Variants in SND1 observed in about 807,000 individuals in gnomAD.
The protein encoded by SND1 is staphylococcal nuclease and tudor domain containing 1.
In SND1, 38 loss-of-function variants were observed where a neutral mutation model predicts 121.7. The observed-to-expected ratio is 0.31, with a 90% confidence interval of 0.24 to 0.41. SND1 has a LOEUF of 0.41. SND1 is among the 10% of genes least tolerant of loss of function. The probability of loss-of-function intolerance (pLI) is 1.00; values close to 1 mark genes in which losing one functional copy is unlikely to be tolerated. For missense variants in SND1, 868 were observed against 1,184.6 expected (o/e 0.73, Z 3.92); for synonymous variants, 401 against 447.4 (o/e 0.90, Z 1.31).
intron 10 of SND1, among the ~76,000 whole-genome samples, chr7:127,804,351 T>C (rs1374663735): frequency 6.6e-6 from 1 of 152,224 alleles, no homozygotes; most frequent in Non-Finnish European, 1.5e-5. Context: ...AGACATATAA[T>C]CAGACTCTGA....
chr7:127,883,624 G>A (rs907698280), intron 12 of SND1, among the ~76,000 whole-genome samples: 1 of 152,118 alleles, frequency 6.6e-6, no homozygotes, highest in Admixed American at 6.5e-5. Context: ...GAAAACATTA[G>A]AACTTGGATA....
intron 10 of SND1, among the ~76,000 whole-genome samples, chr7:127,758,590 AAACCTT>A (rs1200282712): frequency 3.9e-5 from 6 of 152,182 alleles, no homozygotes; most frequent in Admixed American, 3.9e-4. Context: ...AACTATGTTG[AAACCTT>A]GGTTTGATTT....
intron 11 of SND1, among the ~76,000 whole-genome samples, chr7:127,842,397 A>G (rs1251428657): frequency 6.6e-6 from 1 of 152,224 alleles, no homozygotes; most frequent in Non-Finnish European, 1.5e-5. Context: ...AAGTTTTCAT[A>G]ATAAAAAAGC....
intron 12 of SND1, among the ~76,000 whole-genome samples, chr7:127,847,212 C>T (rs554331142): frequency 6.6e-6 from 1 of 152,238 alleles, no homozygotes; most frequent in East Asian, 1.9e-4. Context: ...GCGGGAGTTG[C>T]AGTGAGCCGA....
rs137967747 is a variant in SND1 at position 127,684,918 on chromosome 7, A to C, written c.79-1695A>C. ...ATATTGTATATTGGAATGTACAATT[A>C]AATATTGTATATTGGAATGTACAAT... On this transcript the variant is annotated intron_variant, in intron 1 of 23. Coordinates refer to ENST00000354725, the MANE Select transcript of SND1 (RefSeq NM_014390.4). 9.0e-4 allele frequency among the ~76,000 whole-genome samples: 136 copies of C among 151,914 alleles called. No homozygotes were observed. In the East Asian group the frequency reaches 0.011, roughly 12 times the overall value.
chr7:127,737,231 A>G (rs1796793508), intron 10 of SND1, among the ~76,000 whole-genome samples: 1 of 152,204 alleles, frequency 6.6e-6, no homozygotes, highest in Non-Finnish European at 1.5e-5. Context: ...TGTTCTGTCT[A>G]CTGTGCGTGA....
At chr7:127,922,194 T>TGTTTTTTG (rs1563058996) in intron 14 of SND1, among the ~76,000 whole-genome samples, 1 of 63,594 alleles carries the variant, frequency 1.6e-5, no homozygotes, top group African/African-American at 4.7e-5. Context: ...TTTTTTTTTT[T>TGTTTTTTG]TTTTTTTTTG....
At position 127,942,991 on chromosome 7, in the gene SND1, T is replaced by C. The variant is rs548139911; in HGVS notation, c.1669+13662T>C. Among the ~76,000 whole-genome samples, 7 of 152,312 alleles carry C rather than the reference T, an allele frequency of 4.6e-5. No homozygotes were observed. The East Asian group carries it at 1.3e-3, about 29-fold the overall frequency. On this transcript the variant is annotated intron_variant, in intron 15 of 23. Transcript: ENST00000354725. ...GAGCCTCTTACGTGGATCCATTTCA[T>C]GCTATGAGGTTGGCCTCACAGTGAA...
chr7:128,058,302 T>C (rs1793175825), intron 16 of SND1, among the ~76,000 whole-genome samples: 1 of 152,280 alleles, frequency 6.6e-6, no homozygotes, highest in African/African-American at 2.4e-5. Context: ...TGAGTTCTTA[T>C]TGTTCTAAGA....
chr7:127,959,848 A>C (rs967715467), intron 15 of SND1, among the ~76,000 whole-genome samples: 1 of 152,172 alleles, frequency 6.6e-6, no homozygotes, highest in African/African-American at 2.4e-5. Context: ...CACTTGATAC[A>C]TATTTGTTGA....
chr7:128,018,724 G>A (rs149103679), intron 16 of SND1, among the ~76,000 whole-genome samples: 6 of 152,252 alleles, frequency 3.9e-5, no homozygotes, highest in African/African-American at 1.4e-4. Flanking sequence ...AAGCCACCAG[G>A]GGCAAAATAA....
chr7:127,730,905 C>T (rs965930024), intron 10 of SND1, among the ~76,000 whole-genome samples: 3 of 152,242 alleles, frequency 2.0e-5, no homozygotes, highest in Non-Finnish European at 4.4e-5. Context: ...TGTTCCTCAT[C>T]ACTACTGGGA....
At chr7:128,033,279 GA>G (rs1411137486) in intron 16 of SND1, among the ~76,000 whole-genome samples, 1 of 152,120 alleles carries the variant, frequency 6.6e-6, no homozygotes, top group Non-Finnish European at 1.5e-5. Flanking sequence ...CCACCCCCCT[GA>G]AAAAAGACTG....
At chr7:127,806,747 G>A (rs1415306678) in intron 10 of SND1, among the ~76,000 whole-genome samples, 1 of 152,166 alleles carries the variant, frequency 6.6e-6, no homozygotes, top group Admixed American at 6.5e-5. Context: ...ATCATTTGAG[G>A]TCAGGAGTTT....
At chr7:127,703,347 G>C in intron 7 of SND1, 24 bp downstream of exon 7, 1 of 1,612,238 alleles carries the variant, frequency 6.2e-7, no homozygotes, top group Non-Finnish European at 8.5e-7. Context: ...TGCAGACTGG[G>C]TGGTGATGGG....
intron 9 of SND1, among the ~76,000 whole-genome samples, chr7:127,710,447 C>CAA (rs33999230): frequency 1.2e-3 from 143 of 119,992 alleles, no homozygotes; most frequent in Admixed American, 1.4e-3. Context: ...AAGCTTACTA[C>CAA]AAAAAAAAAA....
chr7:127,803,808 C>T (rs1160867508), intron 10 of SND1, among the ~76,000 whole-genome samples: 38 of 152,178 alleles, frequency 2.5e-4, no homozygotes, highest in Admixed American at 2.4e-3. Flanking sequence ...GCTGTATCTT[C>T]AGATGCTGAG....
At chr7:127,779,215 T>C (rs1467569177) in intron 10 of SND1, among the ~76,000 whole-genome samples, 1 of 152,190 alleles carries the variant, frequency 6.6e-6, no homozygotes, top group Non-Finnish European at 1.5e-5. Flanking sequence ...GAGCAGATCA[T>C]GAAAGCTAGG....
At chr7:127,919,468 T>C (rs1304113991) in intron 14 of SND1, among the ~76,000 whole-genome samples, 1 of 152,236 alleles carries the variant, frequency 6.6e-6, no homozygotes, top group Non-Finnish European at 1.5e-5. Context: ...AGTTCTTACC[T>C]CTTGCCTATA....
Sources: allele counts gnomAD v4.1 joint callset (sites outside exome capture counted in the v4.1 genomes callset), GRCh38; gene constraint gnomAD v4.1.1; transcripts MANE v1.5; gene names NCBI Gene and HGNC (gene_info 2026-07-23, HGNC 2026-07-21).